Variants in ABR observed in about 807,000 individuals in gnomAD.
ABR encodes ABR activator of RhoGEF and GTPase.
In ABR, 35 loss-of-function variants were observed where a neutral mutation model predicts 107.2. The ratio of observed to expected loss-of-function variants is 0.33; its 90% CI spans 0.25 to 0.43. The LOEUF (loss-of-function observed/expected upper bound fraction) is 0.43. Ranked by LOEUF, ABR falls within the 20% of genes least tolerant of loss-of-function variation. The pLI, the probability that ABR is intolerant of heterozygous loss-of-function variation, is 1.00. For missense variants in ABR, 815 were observed against 1,115.2 expected, an observed-to-expected ratio of 0.73 and a Z score of 3.83; for synonymous variants, 498 against 462.0, an observed-to-expected ratio of 1.08 and a Z score of -1.00.
chr17:1,014,659 A>G (rs982778851), intron 16 of ABR, among the ~76,000 whole-genome samples: 24 of 151,314 alleles, frequency 1.6e-4, no homozygotes, highest in African/African-American at 5.3e-4. Context: ...TAACACGGTG[A>G]AACCCCGTCT....
chr17:1,099,993 G>A (rs2037753345), intron 3 of ABR, among the ~76,000 whole-genome samples: 1 of 152,134 alleles, frequency 6.6e-6, no homozygotes, highest in South Asian at 2.1e-4. Context: ...AGGACTGGTG[G>A]CGTGCACGTG....
rs1279369133 is a variant in ABR, at chr17:1,157,121, C to T, written c.61+22546G>A. Among the ~76,000 whole-genome samples the T allele has an allele frequency of 1.3e-5, 2 of 152,210 alleles. No individual in the cohort carries two copies. Among genetic ancestry groups the T allele is most frequent in the African/African-American group, 4.8e-5 (2 of 41,444 alleles). On this transcript the variant is annotated intron_variant, in intron 1 of 22. Coordinates refer to ENST00000302538, the MANE Select transcript of ABR (RefSeq NM_021962.5). This position sits in a 1 kb window ranked among gnomAD's most constrained non-coding sequence, Gnocchi z 4.7. ...AATTTTACGGATGAGGAAACCGAAG[C>T]TCAGATAGGTCAGATGACTGGCCCA... is the stretch of plus-strand genomic sequence containing the variant.
At chr17:1,158,757 T>G (rs2041142991) in intron 1 of ABR, among the ~76,000 whole-genome samples, 1 of 151,198 alleles carries the variant, frequency 6.6e-6, no homozygotes, top group South Asian at 2.1e-4. Context: ...AGCAAGACTC[T>G]GTCTTAAAAA....
At chr17:1,083,421 C>A in intron 5 of ABR, 99 bp downstream of exon 5, 2 of 763,172 alleles carry the variant, frequency 2.6e-6, no homozygotes, top group Non-Finnish European at 2.2e-6. Context: ...TTAGAGTAAC[C>A]ACTTCACCGA....
In ABR at chr17:1,010,644, T is replaced by C; in HGVS notation, c.2236+85A>G. On this transcript the variant is annotated intron_variant, in intron 20 of 22. Transcript: ENST00000302538. This position sits in a 1 kb window ranked among gnomAD's most constrained non-coding sequence, Gnocchi z 4.1. ...GTCAGCCAGCAAAGGAAGCCACAGA[T>C]ATTTCTCCTGCTGGTTACTTCTCCG... 6.5e-7 allele frequency: 1 copy of C among 1,548,120 alleles called. No individual in the cohort carries two copies. Among genetic ancestry groups the C allele is most frequent in the South Asian group, 1.2e-5 (1 of 85,132 alleles).
rs1177061136 is a variant in ABR, at chr17:1,049,938, A to G, written c.1791+112T>C. 2.8e-6 allele frequency: 4 copies of G among 1,443,796 alleles called. No homozygotes were observed. In the East Asian group the frequency reaches 7.0e-5, roughly 25 times the overall value. 89.4% of individuals were successfully genotyped at this position (1,443,796 alleles called of 1,614,324 possible). On this transcript the variant is annotated intron_variant, in intron 16 of 22. Coordinates refer to ENST00000302538, the MANE Select transcript of ABR (RefSeq NM_021962.5). ...ACCACCTCCTGGGAACTTTCCTCCAACCAGCTTGGAACCAAAATCACGAAA... is the reference window on the plus strand; with the variant it reads ...ACCACCTCCTGGGAACTTTCCTCCAGCCAGCTTGGAACCAAAATCACGAAA...
intron 1 of ABR, among the ~76,000 whole-genome samples, chr17:1,153,634 A>G (rs75327624): frequency 0.027 from 783 of 29,392 alleles, 45 homozygotes; most frequent in East Asian, 0.065. Context: ...AGGCACACCT[A>G]CGGGAGGGCT....
At chr17:1,178,106 GAGA>G (rs1253272918) in intron 1 of ABR, 8 of 152,516 alleles carry the variant, frequency 5.2e-5, no homozygotes, top group African/African-American at 1.9e-4. Flanking sequence ...GAGGCGGGTG[GAGA>G]AGAAGATACA....
chr17:1,066,820 C>A (rs990014164), intron 10 of ABR, among the ~76,000 whole-genome samples: 1 of 152,136 alleles, frequency 6.6e-6, no homozygotes, highest in Admixed American at 6.6e-5. Context: ...TGAGCCACTG[C>A]GCCTGGCTAC....
At chr17:1,168,076 C>T (rs111859471) in intron 1 of ABR, among the ~76,000 whole-genome samples, 3,036 of 152,054 alleles carry the variant, frequency 0.02, 30 homozygotes, top group Middle Eastern at 0.041. Flanking sequence ...AACCTGAGGT[C>T]GGGAGTTCGA....
chr17:1,208,532 A>C (rs968349467), intron 1 of ABR, among the ~76,000 whole-genome samples: 7 of 152,184 alleles, frequency 4.6e-5, no homozygotes, highest in African/African-American at 1.7e-4. Context: ...GTTCTCTGCT[A>C]ACGTCGCGGT....
chr17:1,215,232 A>C (rs2042975849), intron 1 of ABR, among the ~76,000 whole-genome samples: 1 of 150,686 alleles, frequency 6.6e-6, no homozygotes, highest in Admixed American at 6.6e-5. Flanking sequence ...AAAAAAAAAA[A>C]AGAAAAGAAA....
rs2041086436 is a variant in ABR at position 1,157,367 on chromosome 17, C to T, written c.61+22300G>A. Among the ~76,000 whole-genome samples the T allele has an allele frequency of 6.6e-6, 1 of 151,836 alleles. No individual in the cohort carries two copies. The highest frequency in any genetic ancestry group is 6.6e-5 in the Admixed American group (1 of 15,214). ...CCGGGTTCAAGTAATTCTCCTGCCTCAGCCTCCCAAATAGCTGGGATTACA... is the reference window on the plus strand; with the variant it reads ...CCGGGTTCAAGTAATTCTCCTGCCTTAGCCTCCCAAATAGCTGGGATTACA... On this transcript the variant is annotated intron_variant, in intron 1 of 22. Coordinates refer to ENST00000302538, the MANE Select transcript of ABR (RefSeq NM_021962.5). The surrounding 1 kb of genome is among the most constrained non-coding windows in gnomAD (Gnocchi z 4.7).
intron 22 of ABR, among the ~76,000 whole-genome samples, chr17:1,006,459 C>T (rs541620132): frequency 6.6e-6 from 1 of 152,328 alleles, no homozygotes; most frequent in South Asian, 2.1e-4. Flanking sequence ...AGCCTCCCGC[C>T]CTTGGAAGCA....
At chr17:1,213,399 CT>C (rs537977869) in intron 1 of ABR, among the ~76,000 whole-genome samples, 420 of 151,956 alleles carry the variant, frequency 2.8e-3, no homozygotes, top group African/African-American at 9.5e-3. Context: ...AGGTCACAGT[CT>C]TTTTTTTGAG....
upstream of ABR, chr17:1,182,450 C>T (rs1338619114): frequency 1.3e-5 from 2 of 152,358 alleles, no homozygotes; most frequent in East Asian, 3.9e-4. Context: ...TCACTGCAAG[C>T]TCCGCCTCCC....
upstream of ABR, chr17:1,187,331 C>T (rs1348429278): frequency 6.6e-6 from 1 of 152,350 alleles, no homozygotes; most frequent in Non-Finnish European, 1.5e-5. Context: ...CCAGTCCTGC[C>T]TCTGCCCGTC....
chr17:1,021,482 T>G (rs1282198376), intron 16 of ABR, among the ~76,000 whole-genome samples: 1 of 152,052 alleles, frequency 6.6e-6, no homozygotes, highest in Non-Finnish European at 1.5e-5. Flanking sequence ...AGGGTTTCCC[T>G]CAGAGGGGGT....
At position 1,053,373 on chromosome 17, in the gene ABR, G is replaced by C. The variant is rs112521207; in HGVS notation, c.1561+2662C>G. On this transcript the variant is annotated intron_variant, in intron 14 of 22. Coordinates refer to ENST00000302538, the MANE Select transcript of ABR (RefSeq NM_021962.5). Reference sequence around the variant, plus strand: ...TGGGGGAGGGCTCACAGGGTCAGAGGGAGGGTTCCGGAACGGGCTGGGGGA... The same window carrying C: ...TGGGGGAGGGCTCACAGGGTCAGAGCGAGGGTTCCGGAACGGGCTGGGGGA... Among the ~76,000 whole-genome samples the C allele has an allele frequency of 1.7e-3, 38 of 22,354 alleles. 4 individuals carry two copies. The highest frequency in any genetic ancestry group is 5.3e-3 in the East Asian group (1 of 190). The allele number at this position is 22,354 out of a possible 152,430, so 14.7% of individuals were successfully genotyped here.
Sources: allele counts gnomAD v4.1 joint callset (sites outside exome capture counted in the v4.1 genomes callset), GRCh38; gene constraint gnomAD v4.1.1; non-coding constraint Gnocchi (gnomAD v3.1); transcripts MANE v1.5; gene names NCBI Gene and HGNC (gene_info 2026-07-23, HGNC 2026-07-21).